Variants in ADGRD1 observed in about 807,000 individuals in gnomAD.
ADGRD1 encodes adhesion G protein-coupled receptor D1, also known as G-protein coupled receptor 133.
Under a neutral mutation model 113.4 loss-of-function variants are expected in ADGRD1, and 77 were observed. The observed-to-expected ratio is 0.68, with a 90% CI of 0.57 to 0.82. ADGRD1 has a LOEUF of 0.82. ADGRD1 is among the 40% of genes least tolerant of loss of function. The pLI is 0.00. For missense variants in ADGRD1, 1,036 were observed against 1,139.1 expected (o/e 0.91, Z 1.30); for synonymous variants, 474 against 475.0 (o/e 1.00, Z 0.03).
intron 6 of ADGRD1, chr12:130,988,751 G>A (rs1873998769): frequency 8.1e-6 from 1 of 123,702 alleles, no homozygotes; most frequent in South Asian, 3.4e-4. Context: ...GCCCTCAGCA[G>A]CCTCTGTGGA....
At chr12:131,121,379 T>A (rs918955767) in intron 20 of ADGRD1, among the ~76,000 whole-genome samples, 1 of 152,056 alleles carries the variant, frequency 6.6e-6, no homozygotes, top group Non-Finnish European at 1.5e-5. Context: ...GAGTTTTTTG[T>A]TGTTGTTTTT....
intron 8 of ADGRD1, chr12:130,994,328 T>G (rs1339258628): frequency 2.4e-6 from 1 of 417,582 alleles, no homozygotes; most frequent in Non-Finnish European, 4.9e-6. Flanking sequence ...AAGGGGTGAC[T>G]GTGGCAGGCG....
intron 13 of ADGRD1, among the ~76,000 whole-genome samples, chr12:131,021,393 C>T (rs138555383): frequency 1.3e-4 from 20 of 152,188 alleles, no homozygotes; most frequent in East Asian, 1.9e-4. Flanking sequence ...TCGCGGCGGC[C>T]GGCCGGTGCT....
chr12:131,021,384 C>T lies in ADGRD1; in HGVS notation c.1473+7044C>T, dbSNP rs149069918. Among the ~76,000 whole-genome samples, 1,259 of 152,206 alleles carry T rather than the reference C, an allele frequency of 8.3e-3. 17 individuals carry two copies. Among genetic ancestry groups the T allele is most frequent in the African/African-American group, 0.025 (1,046 of 41,518 alleles). ...GTTGTCTCCCATGACTTTGACACTT[C>T]GCGGCGGCCGGCCGGTGCTTTGTGG... is the stretch of plus-strand genomic sequence containing the variant. On this transcript the variant is annotated intron_variant, in intron 13 of 24. Coordinates refer to ENST00000261654, the MANE Select transcript of ADGRD1 (RefSeq NM_198827.5).
chr12:131,111,215 C>T (rs567956280), intron 18 of ADGRD1, among the ~76,000 whole-genome samples: 1 of 152,276 alleles, frequency 6.6e-6, no homozygotes, highest in African/African-American at 2.4e-5. Context: ...ACCTCACCCT[C>T]TTGAGTAGCT....
intron 13 of ADGRD1, chr12:131,071,001 A>G: frequency 2.0e-6 from 1 of 511,160 alleles, no homozygotes; most frequent in Non-Finnish European, 3.9e-6. Flanking sequence ...GAGCCACTTG[A>G]TAGAGGGTGG....
In ADGRD1 at chr12:131,095,974, ACGGT is replaced by A. The variant is rs1412888887; in HGVS notation, c.1672-8855_1672-8852del. The stretch of plus-strand genomic sequence containing the variant: ...CACAGAAGGCAGAGTGTGGAAACTG[ACGGT>A]CACGGCCACCGTTCCCGCCTCCCAG... On this transcript the variant is annotated intron_variant, in intron 15 of 24. Coordinates refer to ENST00000261654, the MANE Select transcript of ADGRD1 (RefSeq NM_198827.5). 6.7e-3 allele frequency among the ~76,000 whole-genome samples: 1,010 copies of A among 150,482 alleles called. 10 individuals carry two copies. The highest frequency in any genetic ancestry group is 0.021 in the South Asian group (100 of 4,682).
rs1365703103 is a variant in ADGRD1 at position 131,060,984 on chromosome 12, T to C, written c.1474-15817T>C. On this transcript the variant is annotated intron_variant, in intron 13 of 24. Transcript: ENST00000261654. This position sits in a 1 kb window ranked among gnomAD's most constrained non-coding sequence, Gnocchi z 4.4. ...TCCTGGGGTGCATTTTACGTAACAC[T>C]GTTCAGACCTGGACACCCGTGAGAC... Among the ~76,000 whole-genome samples, 1 of 152,074 alleles carries C rather than the reference T, an allele frequency of 6.6e-6. No homozygotes were observed. The highest frequency in any genetic ancestry group is 2.4e-5 in the African/African-American group (1 of 41,398).
chr12:131,038,179 G>T (rs181526440), intron 13 of ADGRD1, among the ~76,000 whole-genome samples: 4 of 152,254 alleles, frequency 2.6e-5, no homozygotes, highest in South Asian at 2.1e-4. Context: ...CTGTTGAGAC[G>T]TGTGGGGACC....
rs998431781 is a variant in ADGRD1 at position 130,984,664 on chromosome 12, T to G, written c.491-2431T>G. On this transcript the variant is annotated intron_variant, in intron 5 of 24. Coordinates refer to ENST00000261654, the MANE Select transcript of ADGRD1 (RefSeq NM_198827.5). This position sits in a 1 kb window ranked among gnomAD's most constrained non-coding sequence, Gnocchi z 4.1. ...GTCACCCAAAGTCCATAGTTCACAT[T>G]AGCATTTGCTCTCGGTGTTGTACAT... Among the ~76,000 whole-genome samples, 1 of 152,118 alleles carries G rather than the reference T, an allele frequency of 6.6e-6. No individual in the cohort carries two copies. The highest frequency in any genetic ancestry group is 1.5e-5 in the Non-Finnish European group (1 of 68,020).
intron 7 of ADGRD1, among the ~76,000 whole-genome samples, chr12:130,991,326 A>G (rs927136270): frequency 6.6e-6 from 1 of 152,136 alleles, no homozygotes; most frequent in Non-Finnish European, 1.5e-5. Flanking sequence ...TACCGGGCTC[A>G]TTCATGGGAC....
At chr12:130,997,039 G>T (rs1477201606) in intron 8 of ADGRD1, among the ~76,000 whole-genome samples, 1 of 136,798 alleles carries the variant, frequency 7.3e-6, no homozygotes, top group Non-Finnish European at 1.6e-5. Context: ...CCCGGACGGG[G>T]CGGCTGGCCA....
intron 8 of ADGRD1, among the ~76,000 whole-genome samples, chr12:130,996,181 C>A (rs1419723716): frequency 6.7e-6 from 1 of 148,912 alleles, no homozygotes; most frequent in African/African-American, 2.5e-5. Flanking sequence ...CTACTTCTTT[C>A]TACACAGACA....
intron 6 of ADGRD1, chr12:130,988,417 C>G (rs1029150825): frequency 6.6e-6 from 1 of 152,230 alleles, no homozygotes; most frequent in Non-Finnish European, 1.5e-5. Context: ...GGACCCAGCA[C>G]AGCGGATGTC....
intron 13 of ADGRD1, among the ~76,000 whole-genome samples, chr12:131,036,626 GGC>G: frequency 7.2e-6 from 1 of 139,252 alleles, no homozygotes; most frequent in Admixed American, 6.9e-5. Flanking sequence ...CACCGCACCA[GGC>G]CTCACTCACT....
chr12:131,049,094 G>T (rs756387634), intron 13 of ADGRD1, among the ~76,000 whole-genome samples: 1 of 152,248 alleles, frequency 6.6e-6, no homozygotes, highest in Non-Finnish European at 1.5e-5. Context: ...TGTACGTCAC[G>T]AGCACTCTGG....
chr12:131,002,378 T>A (rs4759823), intron 9 of ADGRD1: 5 of 289,014 alleles, frequency 1.7e-5, no homozygotes, highest in Non-Finnish European at 2.6e-5. Flanking sequence ...AATCAGGCTA[T>A]GGGCCTAAAA....
intron 5 of ADGRD1, among the ~76,000 whole-genome samples, chr12:130,983,368 A>G (rs376292229): frequency 6.6e-6 from 1 of 152,172 alleles, no homozygotes; most frequent in East Asian, 1.9e-4. Context: ...GTGATCCCTA[A>G]GGTCAGAAAT....
chr12:131,086,665 A>C (rs1162525035), intron 15 of ADGRD1, among the ~76,000 whole-genome samples: 1 of 152,232 alleles, frequency 6.6e-6, no homozygotes, highest in African/African-American at 2.4e-5. Flanking sequence ...AGCCCCTCAC[A>C]GGGCGAAAGA....
Sources: gnomAD v4.1 joint callset for allele counts (sites outside exome capture counted in the v4.1 genomes callset) on GRCh38, gnomAD v4.1.1 for gene constraint, Gnocchi (gnomAD v3.1) non-coding constraint, MANE v1.5 for transcripts, NCBI Gene and HGNC (gene_info 2026-07-23, HGNC 2026-07-21) for gene names.